Variants in STAM observed in about 807,000 individuals in gnomAD.
STAM encodes signal transducing adaptor molecule, also known as signal transducing adapter molecule 1.
Under a neutral mutation model 63.4 loss-of-function variants are expected in STAM, and 16 were observed. The observed-to-expected ratio is 0.25, with a 90% CI of 0.17 to 0.38. The LOEUF (loss-of-function observed/expected upper bound fraction) is 0.38, where lower values mean the gene tolerates loss of function less well. STAM is among the 10% of genes least tolerant of loss of function. The probability of loss-of-function intolerance (pLI) is 1.00; values close to 1 mark genes in which losing one functional copy is unlikely to be tolerated. For missense variants in STAM, 636 were observed against 657.1 expected (o/e 0.97, Z 0.35); for synonymous variants, 238 against 223.9 (o/e 1.06, Z -0.56).
rs782779571 is a variant in STAM at position 17,695,146 on chromosome 10, A to G, written c.633A>G (p.Glu211=). 1.9e-6 allele frequency: 3 copies of G among 1,614,124 alleles called. No homozygotes were observed. The highest frequency in any genetic ancestry group is 8.5e-7 in the Non-Finnish European group (1 of 1,179,994). ...TSSLLTNHQH[E]GRKVRAIYDF... is the part of the protein sequence containing the mutation. The stretch of plus-strand genomic sequence containing the variant: ...GTCTCTTAACTAACCACCAACATGA[A>G]GGCCGAAAAGTTCGTGCTATATATG... The change falls in exon 7 of 14, where the codon GAA becomes GAG. Residue 211 remains glutamate, a synonymous_variant. Transcript: ENST00000377524.
At chr10:17,646,212 G>A (rs968042355) in intron 1 of STAM, among the ~76,000 whole-genome samples, 6 of 152,124 alleles carry the variant, frequency 3.9e-5, no homozygotes, top group African/African-American at 9.7e-5. Context: ...CGTTATTGAC[G>A]GTTTGGGCCA....
At chr10:17,652,507 G>A (rs1267238949) in intron 1 of STAM, among the ~76,000 whole-genome samples, 2 of 152,128 alleles carry the variant, frequency 1.3e-5, no homozygotes, top group Admixed American at 6.5e-5. Context: ...ATCAAGAACT[G>A]TAAGATAGCA....
At chr10:17,680,001 T>C (rs1484982304) in intron 2 of STAM, among the ~76,000 whole-genome samples, 3 of 152,168 alleles carry the variant, frequency 2.0e-5, no homozygotes, top group Non-Finnish European at 4.4e-5. Context: ...CAAAGGTTTT[T>C]CAGTTTTGTT....
chr10:17,660,323 T>C, intron 1 of STAM, 141 bp from the exon 2 acceptor site: 1 of 519,476 alleles, frequency 1.9e-6, no homozygotes, highest in Non-Finnish European at 3.4e-6. Context: ...AAGATGGCCA[T>C]GAAAATAACT....
intron 12 of STAM, among the ~76,000 whole-genome samples, chr10:17,706,229 T>G (rs373078460): frequency 4.6e-5 from 7 of 151,992 alleles, no homozygotes; most frequent in South Asian, 4.1e-4. Context: ...CTAATAGTTT[T>G]TTGTTGTTGT....
At chr10:17,668,443 T>C (rs1834488797) in intron 2 of STAM, among the ~76,000 whole-genome samples, 1 of 152,262 alleles carries the variant, frequency 6.6e-6, no homozygotes, top group African/African-American at 2.4e-5. Context: ...TACATTACTA[T>C]TAACTAAAGT....
At chr10:17,695,496 CTAA>C (rs1835719451) in intron 7 of STAM, among the ~76,000 whole-genome samples, 1 of 151,974 alleles carries the variant, frequency 6.6e-6, no homozygotes, top group South Asian at 2.1e-4. Context: ...TCGGTTCCAC[CTAA>C]TAATATAGAT....
chr10:17,711,564 G>A (rs1327106112), intron 13 of STAM, among the ~76,000 whole-genome samples: 1 of 152,182 alleles, frequency 6.6e-6, no homozygotes, highest in African/African-American at 2.4e-5. Flanking sequence ...GTTTGAGGAA[G>A]TTTTCCAAGA....
intron 1 of STAM, among the ~76,000 whole-genome samples, chr10:17,655,036 CCTCTT>C (rs1833884590): frequency 1.3e-5 from 2 of 152,084 alleles, no homozygotes; most frequent in African/African-American, 4.8e-5. Context: ...ATTATTCTGT[CCTCTT>C]CTTATTTTCT....
Position 17,660,532 on chromosome 10 carries a change from G to T in STAM, c.109G>T (p.Gly37Cys), listed in dbSNP as rs782564535. 13 of 1,604,172 alleles carry T rather than the reference G, an allele frequency of 8.1e-6. No homozygotes were observed. Among genetic ancestry groups the T allele is most frequent in the African/African-American group, 6.7e-5 (5 of 74,122 alleles). Residue 37 changes from glycine (G) to cysteine (C), a missense_variant, in exon 2 of 14, where the codon GGT (glycine) becomes TGT (cysteine). Physicochemically the swap from Gly to Cys is radical, Grantham distance 159. Transcript: ENST00000377524. ...CATTTTGGATATCTGTGATAAAGTT[G>T]GTCAGTCTCGCACTGGGTAAGTATT... Reference protein sequence around the residue: ...GLILDICDKVGQSRTGPKDCL... With the variant: ...GLILDICDKVCQSRTGPKDCL...
intron 8 of STAM, among the ~76,000 whole-genome samples, chr10:17,698,254 G>T (rs978097647): frequency 6.6e-5 from 10 of 152,054 alleles, no homozygotes; most frequent in African/African-American, 2.4e-4. Context: ...TGTTTAAATG[G>T]CATTGCGTAG....
intron 2 of STAM, among the ~76,000 whole-genome samples, chr10:17,681,938 T>A (rs1439805902): frequency 5.3e-5 from 8 of 152,240 alleles, no homozygotes; most frequent in Non-Finnish European, 1.0e-4. Flanking sequence ...TTTACTATTA[T>A]CATTAATTAC....
intron 2 of STAM, among the ~76,000 whole-genome samples, chr10:17,666,468 C>T (rs928042714): frequency 1.4e-5 from 2 of 140,786 alleles, no homozygotes; most frequent in African/African-American, 5.4e-5. Context: ...GATCTTGGCT[C>T]ACTGCAAGCT....
At chr10:17,697,039 C>A (rs1490929531) in intron 8 of STAM, among the ~76,000 whole-genome samples, 170 bp downstream of exon 8, 2 of 152,178 alleles carry the variant, frequency 1.3e-5, no homozygotes, top group Non-Finnish European at 2.9e-5. Context: ...CCTGCCTCAG[C>A]CTCCTGAGTA....
intron 6 of STAM, 61 bp from the exon 7 acceptor site, chr10:17,694,988 A>T: frequency 6.8e-7 from 1 of 1,481,356 alleles, no homozygotes; most frequent in Non-Finnish European, 9.2e-7. Context: ...GTCTTTTTCT[A>T]CTTCTTCAGA....
intron 8 of STAM, among the ~76,000 whole-genome samples, chr10:17,697,211 G>A (rs1430521072): frequency 6.6e-6 from 1 of 152,238 alleles, no homozygotes; most frequent in Non-Finnish European, 1.5e-5. Flanking sequence ...TTACAGGCGT[G>A]AGCCATCGCA....
Position 17,644,944 on chromosome 10 carries a change from G to C in STAM, c.40+565G>C, listed in dbSNP as rs941548291. ...TGGCAACGACTGAAACCGAATTGAGGACCTGAGCCTTTGGGATGTCTCTCT... is the reference window on the plus strand; with the variant it reads ...TGGCAACGACTGAAACCGAATTGAGCACCTGAGCCTTTGGGATGTCTCTCT... On this transcript the variant is annotated intron_variant, in intron 1 of 13. Coordinates refer to ENST00000377524, the MANE Select transcript of STAM (RefSeq NM_003473.4). Among the ~76,000 whole-genome samples, 6 of 152,170 alleles carry C rather than the reference G, an allele frequency of 3.9e-5. 1 individual carries two copies. The highest frequency in any genetic ancestry group is 8.8e-5 in the Non-Finnish European group (6 of 68,034).
At chr10:17,687,558 T>G (rs1174328376) in intron 4 of STAM, among the ~76,000 whole-genome samples, 3 of 152,198 alleles carry the variant, frequency 2.0e-5, no homozygotes, top group Admixed American at 6.5e-5. Flanking sequence ...AGAAATTAAA[T>G]TTTCAAAATG....
chr10:17,683,537 C>G (rs1835172319), intron 2 of STAM, among the ~76,000 whole-genome samples: 1 of 152,016 alleles, frequency 6.6e-6, no homozygotes, highest in Non-Finnish European at 1.5e-5. Flanking sequence ...TTTTTTCTCT[C>G]TGTACTTCAG....
Sources: gnomAD v4.1 joint callset for allele counts (sites outside exome capture counted in the v4.1 genomes callset) on GRCh38, gnomAD v4.1.1 for gene constraint, MANE v1.5 for transcripts, NCBI Gene and HGNC (gene_info 2026-07-23, HGNC 2026-07-21) for gene names.